The following CNTNAP5 variants were observed in gnomAD, a reference collection of about 807,000 sequenced individuals.
CNTNAP5 encodes contactin-associated protein-like 5.
In CNTNAP5, 72 loss-of-function variants were observed where a neutral mutation model predicts 150.2. The ratio of observed to expected loss-of-function variants is 0.48; its 90% CI spans 0.40 to 0.58. The LOEUF (loss-of-function observed/expected upper bound fraction) is 0.58, where lower values mean the gene tolerates loss of function less well. Ranked by LOEUF, CNTNAP5 falls within the 20% of genes least tolerant of loss-of-function variation. CNTNAP5 has a pLI of 0.00. For missense variants in CNTNAP5, 1,636 were observed against 1,626.2 expected, an observed-to-expected ratio of 1.01 and a Z score of -0.10; for synonymous variants, 672 against 619.8, an observed-to-expected ratio of 1.08 and a Z score of -1.25.
At chr2:124,027,002 G>T (rs1680910853) in intron 1 of CNTNAP5, among the ~76,000 whole-genome samples, 1 of 152,164 alleles carries the variant, frequency 6.6e-6, no homozygotes, top group Non-Finnish European at 1.5e-5. Flanking sequence ...GTTTTGGAGG[G>T]CCAGCATCTA....
intron 3 of CNTNAP5, among the ~76,000 whole-genome samples, chr2:124,254,117 T>G (rs1558821059): frequency 1.3e-5 from 2 of 152,180 alleles, no homozygotes; most frequent in South Asian, 4.1e-4. Context: ...AAGAATTCAC[T>G]GAGGCAATCT....
At chr2:124,354,977 C>A (rs1194234133) in intron 3 of CNTNAP5, among the ~76,000 whole-genome samples, 2 of 151,874 alleles carry the variant, frequency 1.3e-5, no homozygotes, top group Non-Finnish European at 2.9e-5. Context: ...TGAGCTTGGT[C>A]TTCTGTAGAA....
chr2:124,700,467 T>C (rs868416487), intron 13 of CNTNAP5, among the ~76,000 whole-genome samples: 1 of 152,152 alleles, frequency 6.6e-6, no homozygotes, highest in East Asian at 1.9e-4. Context: ...CCATTTTACA[T>C]TTTTATTAGG....
intron 21 of CNTNAP5, among the ~76,000 whole-genome samples, chr2:124,892,928 T>A (rs1678229207): frequency 6.6e-6 from 1 of 152,120 alleles, no homozygotes; most frequent in Non-Finnish European, 1.5e-5. Context: ...TCACGCATTA[T>A]CACCTTATTA....
rs143556374 is a variant in CNTNAP5, at chr2:124,642,947, A to G, written c.1877-4811A>G. On this transcript the variant is annotated intron_variant, in intron 12 of 23. Transcript: ENST00000682447. ...AATACACAGTCTGCCTTTGGAAGCC[A>G]TGGGGCACAGTATTTGATGGCCCAT... Among the ~76,000 whole-genome samples the G allele has an allele frequency of 7.0e-3, 1,061 of 152,336 alleles. 17 individuals are homozygous for G. The highest frequency in any genetic ancestry group is 0.025 in the African/African-American group (1,027 of 41,582).
chr2:124,224,676 A>T (rs1257611889), intron 2 of CNTNAP5, among the ~76,000 whole-genome samples: 1 of 152,092 alleles, frequency 6.6e-6, no homozygotes, highest in Non-Finnish European at 1.5e-5. Context: ...ATGCATATAC[A>T]GTCATGTACA....
intron 19 of CNTNAP5, among the ~76,000 whole-genome samples, chr2:124,799,803 A>G (rs1681927749): frequency 6.6e-6 from 1 of 152,198 alleles, no homozygotes; most frequent in South Asian, 2.1e-4. Flanking sequence ...GGACCACATG[A>G]TGTTAACAGG....
At chr2:124,411,348 A>G (rs1475690195) in intron 3 of CNTNAP5, among the ~76,000 whole-genome samples, 2 of 152,164 alleles carry the variant, frequency 1.3e-5, no homozygotes, top group Non-Finnish European at 2.9e-5. Flanking sequence ...AATCAATAGA[A>G]AAAGAGGGTA....
At chr2:124,706,795 A>AAGAAGAAGAAGAAGG (rs1553433527) in intron 13 of CNTNAP5, among the ~76,000 whole-genome samples, 20 of 18,846 alleles carry the variant, frequency 1.1e-3, no homozygotes, top group Admixed American at 1.8e-3. Context: ...GAAGAAGAAG[A>AAGAAGAAGAAGAAGG]AGGAGGAGGA....
chr2:124,393,009 T>C (rs2104750420), intron 3 of CNTNAP5, among the ~76,000 whole-genome samples: 1 of 151,994 alleles, frequency 6.6e-6, no homozygotes. Flanking sequence ...TTTTAACTCT[T>C]ATTTTATTTT....
intron 12 of CNTNAP5, among the ~76,000 whole-genome samples, chr2:124,639,312 T>A (rs1678041509): frequency 6.6e-6 from 1 of 152,200 alleles, no homozygotes; most frequent in Non-Finnish European, 1.5e-5. Flanking sequence ...CTCATTCATC[T>A]TGTGATGAGC....
chr2:124,267,869 T>C lies in CNTNAP5; in HGVS notation c.381+25476T>C, dbSNP rs184000133. ...GAGCAGAGGGAAAACATAATGCAACTTCTATTTTCTCGAACTTTAAAATAT... is the reference window on the plus strand; with the variant it reads ...GAGCAGAGGGAAAACATAATGCAACCTCTATTTTCTCGAACTTTAAAATAT... On this transcript the variant is annotated intron_variant, in intron 3 of 23. Transcript: ENST00000682447. Among the ~76,000 whole-genome samples, 19 of 152,284 alleles carry C rather than the reference T, an allele frequency of 1.2e-4. No homozygotes were observed. In the East Asian group the frequency reaches 3.5e-3, roughly 28 times the overall value.
At chr2:124,175,594 C>G (rs1271102738) in intron 1 of CNTNAP5, among the ~76,000 whole-genome samples, 1 of 152,128 alleles carries the variant, frequency 6.6e-6, no homozygotes, top group African/African-American at 2.4e-5. Flanking sequence ...CTTGCCCCCA[C>G]CCAAGTAGTC....
At chr2:124,664,518 G>A (rs1411010429) in intron 13 of CNTNAP5, among the ~76,000 whole-genome samples, 1 of 152,148 alleles carries the variant, frequency 6.6e-6, no homozygotes, top group Non-Finnish European at 1.5e-5. Context: ...AGCACCCGGA[G>A]TGATAGAGTA....
intron 22 of CNTNAP5, among the ~76,000 whole-genome samples, chr2:124,906,815 C>A (rs1236553668): frequency 2.6e-5 from 4 of 152,178 alleles, no homozygotes; most frequent in Admixed American, 2.0e-4. Flanking sequence ...TTATGTTTCA[C>A]CATTTTATTC....
intron 16 of CNTNAP5, among the ~76,000 whole-genome samples, chr2:124,769,141 G>A (rs1681134355): frequency 6.6e-6 from 1 of 152,016 alleles, no homozygotes; most frequent in African/African-American, 2.4e-5. Flanking sequence ...CTGAGTGCTG[G>A]GAGAAGTGCA....
intron 4 of CNTNAP5, among the ~76,000 whole-genome samples, chr2:124,419,899 TC>T (rs1692040826): frequency 1.2e-5 from 1 of 83,460 alleles, no homozygotes; most frequent in African/African-American, 5.9e-5. Flanking sequence ...GGATTGGTTT[TC>T]TTTCTTTCTT....
chr2:124,776,616 C>T (rs1327093323), intron 17 of CNTNAP5, among the ~76,000 whole-genome samples: 1 of 152,160 alleles, frequency 6.6e-6, no homozygotes, highest in Non-Finnish European at 1.5e-5. Flanking sequence ...GGAATAGTAA[C>T]TTATATTTTA....
At chr2:124,909,231 T>G (rs1379935715) in intron 22 of CNTNAP5, among the ~76,000 whole-genome samples, 1 of 152,154 alleles carries the variant, frequency 6.6e-6, no homozygotes, top group African/African-American at 2.4e-5. Flanking sequence ...ATCTCATATT[T>G]TTACTCTGCT....
Sources: allele counts gnomAD v4.1 joint callset (sites outside exome capture counted in the v4.1 genomes callset), GRCh38; gene constraint gnomAD v4.1.1; transcripts MANE v1.5; gene names NCBI Gene and HGNC (gene_info 2026-07-23, HGNC 2026-07-21).